The following BRINP3 variants were observed in gnomAD, a reference collection of about 807,000 sequenced individuals.
BRINP3 encodes BMP/retinoic acid inducible neural specific 3, also known as BMP/retinoic acid-inducible neural-specific protein 3.
In BRINP3, 19 loss-of-function variants were observed where a neutral mutation model predicts 71.0. That is an observed-to-expected ratio of 0.27 (90% confidence interval 0.19 to 0.39). BRINP3 has a LOEUF of 0.39. Ranked by LOEUF, BRINP3 falls within the 10% of genes least tolerant of loss-of-function variation. The pLI, the probability that BRINP3 is intolerant of heterozygous loss-of-function variation, is 1.00. For missense variants in BRINP3, 959 were observed against 940.8 expected, an observed-to-expected ratio of 1.02 and a Z score of -0.25; for synonymous variants, 380 against 337.7, an observed-to-expected ratio of 1.13 and a Z score of -1.37.
rs572759966 is a variant in BRINP3, at chr1:190,229,333, ACT to A, written c.725-3017_725-3016del. 2.0e-4 allele frequency among the ~76,000 whole-genome samples: 31 copies of A among 151,246 alleles called. No individual in the cohort carries two copies. The South Asian group carries it at 6.5e-3, about 32-fold the overall frequency. Reference sequence around the variant, plus strand: ...TATAAATGGGACCTCCCCTGCACAAACTCTCTCTTGTCTGCCCCCATATAAGA... The same window carrying A: ...TATAAATGGGACCTCCCCTGCACAAACTCTCTTGTCTGCCCCCATATAAGA... On this transcript the variant is annotated intron_variant, in intron 5 of 7. Coordinates refer to ENST00000367462, the MANE Select transcript of BRINP3 (RefSeq NM_199051.3).
chr1:190,185,763 A>T (rs1653457512), intron 6 of BRINP3, among the ~76,000 whole-genome samples: 1 of 152,154 alleles, frequency 6.6e-6, no homozygotes, highest in Admixed American at 6.6e-5. Context: ...TCTGCAGGCA[A>T]TAGAGTTACC....
At chr1:190,149,416 G>T (rs1656187696) in intron 7 of BRINP3, among the ~76,000 whole-genome samples, 3 of 152,108 alleles carry the variant, frequency 2.0e-5, no homozygotes. Context: ...GCATATTGAT[G>T]AATGATTTAA....
chr1:190,341,565 G>T (rs2103112749), intron 2 of BRINP3, among the ~76,000 whole-genome samples: 1 of 151,732 alleles, frequency 6.6e-6, no homozygotes, highest in South Asian at 2.1e-4. Flanking sequence ...CAAAAAACGT[G>T]ATCTATGAGT....
chr1:190,178,277 C>T lies in BRINP3; in HGVS notation c.962-17387G>A, dbSNP rs377339752. ...TATCATAGATGACTGCTTTGGTACACAATATGTTTCTCTGGATTTATTATA... is the reference window on the plus strand; with the variant it reads ...TATCATAGATGACTGCTTTGGTACATAATATGTTTCTCTGGATTTATTATA... On this transcript the variant is annotated intron_variant, in intron 6 of 7. Transcript: ENST00000367462. Among the ~76,000 whole-genome samples the T allele has an allele frequency of 8.5e-5, 13 of 152,202 alleles. No homozygotes were observed. In the South Asian group the frequency reaches 2.7e-3, roughly 32 times the overall value.
At chr1:190,192,809 G>A (rs565459349) in intron 6 of BRINP3, among the ~76,000 whole-genome samples, 2 of 152,172 alleles carry the variant, frequency 1.3e-5, no homozygotes, top group African/African-American at 4.8e-5. Context: ...AAAACTGGTT[G>A]GGCTTTGATT....
At chr1:190,272,620 T>G (rs1320529772) in intron 3 of BRINP3, among the ~76,000 whole-genome samples, 1 of 151,426 alleles carries the variant, frequency 6.6e-6, no homozygotes, top group Non-Finnish European at 1.5e-5. Context: ...ATTTCATAGT[T>G]TTTTAATTTT....
chr1:190,350,998 T>G (rs2102046795), intron 2 of BRINP3, among the ~76,000 whole-genome samples: 1 of 151,544 alleles, frequency 6.6e-6, no homozygotes, highest in East Asian at 2.0e-4. Context: ...AATTTTGGGG[T>G]TTTTCCATGT....
intron 2 of BRINP3, 22 bp downstream of exon 2, chr1:190,454,633 T>C (rs1675866700): frequency 6.3e-7 from 1 of 1,590,726 alleles, no homozygotes; most frequent in Non-Finnish European, 8.6e-7. Flanking sequence ...ATTTCTGTAA[T>C]TGCTTTCCCT....
At chr1:190,164,493 A>G (rs569579067) in intron 6 of BRINP3, among the ~76,000 whole-genome samples, 2 of 152,134 alleles carry the variant, frequency 1.3e-5, no homozygotes, top group African/African-American at 4.8e-5. Flanking sequence ...ATTATATTAC[A>G]ATTTATATTA....
At chr1:190,419,464 C>A (rs866532146) in intron 2 of BRINP3, among the ~76,000 whole-genome samples, 1 of 151,762 alleles carries the variant, frequency 6.6e-6, no homozygotes, top group Non-Finnish European at 1.5e-5. Flanking sequence ...GTAATAAGCA[C>A]CTAATATACC....
chr1:190,320,706 C>G (rs1666180660), intron 2 of BRINP3, among the ~76,000 whole-genome samples: 1 of 151,734 alleles, frequency 6.6e-6, no homozygotes, highest in African/African-American at 2.4e-5. Context: ...CTCACTCATA[C>G]TGGGACCATT....
intron 2 of BRINP3, among the ~76,000 whole-genome samples, chr1:190,314,726 T>C (rs1256583737): frequency 6.6e-6 from 1 of 152,152 alleles, no homozygotes; most frequent in African/African-American, 2.4e-5. Context: ...TAAATCTGTG[T>C]TGTGTTAAGC....
chr1:190,294,814 CT>C (rs2102978003), intron 2 of BRINP3, among the ~76,000 whole-genome samples: 1 of 152,000 alleles, frequency 6.6e-6, no homozygotes, highest in Admixed American at 6.6e-5. Flanking sequence ...AGTGGTTGCT[CT>C]TGGCATTTTA....
At chr1:190,299,620 TC>T (rs1168448465) in intron 2 of BRINP3, among the ~76,000 whole-genome samples, 1 of 128,814 alleles carries the variant, frequency 7.8e-6, no homozygotes, top group Admixed American at 9.6e-5. Flanking sequence ...AGTGTGATGT[TC>T]CCCTTCCTGT....
intron 6 of BRINP3, among the ~76,000 whole-genome samples, chr1:190,187,778 T>C (rs2102559618): frequency 6.6e-6 from 1 of 152,234 alleles, no homozygotes; most frequent in Admixed American, 6.5e-5. Flanking sequence ...CTTTTTTTTC[T>C]ACAGCTTTAT....
chr1:190,186,290 C>T (rs1249018265), intron 6 of BRINP3, among the ~76,000 whole-genome samples: 1 of 151,898 alleles, frequency 6.6e-6, no homozygotes, highest in East Asian at 1.9e-4. Context: ...AGGCTTGAAC[C>T]CAGAAGGCAG....
chr1:190,256,984 G>A (rs1170155693), intron 4 of BRINP3, among the ~76,000 whole-genome samples: 1 of 152,122 alleles, frequency 6.6e-6, no homozygotes, highest in Non-Finnish European at 1.5e-5. Flanking sequence ...CTCTTCTAGA[G>A]GAGTATCTTT....
At chr1:190,304,826 A>G (rs1664983042) in intron 2 of BRINP3, among the ~76,000 whole-genome samples, 1 of 151,916 alleles carries the variant, frequency 6.6e-6, no homozygotes, top group African/African-American at 2.4e-5. Context: ...TGAAGAGACA[A>G]CCCACAGAAT....
chr1:190,429,506 A>T (rs1241716392), intron 2 of BRINP3, among the ~76,000 whole-genome samples: 3 of 152,126 alleles, frequency 2.0e-5, no homozygotes, highest in African/African-American at 7.2e-5. Context: ...TTTGTAGTAG[A>T]CATATTCATT....
Sources: gnomAD v4.1 joint callset for allele counts (sites outside exome capture counted in the v4.1 genomes callset) on GRCh38, gnomAD v4.1.1 for gene constraint, MANE v1.5 for transcripts, NCBI Gene and HGNC (gene_info 2026-07-23, HGNC 2026-07-21) for gene names.